The following RRAGB variants were observed in gnomAD, a reference collection of about 807,000 sequenced individuals.
RRAGB encodes Ras related GTP binding B.
Under a neutral mutation model 29.3 loss-of-function variants are expected in RRAGB, and 6 were observed. The observed-to-expected ratio is 0.21, with a 90% confidence interval of 0.11 to 0.40. The LOEUF (loss-of-function observed/expected upper bound fraction) is 0.40, where lower values mean the gene tolerates loss of function less well. RRAGB is among the 10% of genes least tolerant of loss of function. The probability of loss-of-function intolerance (pLI) is 1.00; values close to 1 mark genes in which losing one functional copy is unlikely to be tolerated. For synonymous variants in RRAGB, 101 were observed against 92.5 expected, an observed-to-expected ratio of 1.09 and a Z score of -0.53; for missense variants, 184 against 272.9, an observed-to-expected ratio of 0.67 and a Z score of 2.29.
intron 3 of RRAGB, among the ~76,000 whole-genome samples, chrX:55,728,910 GT>G (rs2033573555): frequency 9.1e-6 from 1 of 110,298 alleles, no homozygotes; most frequent in African/African-American, 3.3e-5. Flanking sequence ...TTTTATGTTT[GT>G]TTTTTGTTAC....
At chrX:55,744,675 G>T (rs921131977) in intron 5 of RRAGB, among the ~76,000 whole-genome samples, 4 of 112,167 alleles carry the variant, frequency 3.6e-5, no homozygotes, top group Non-Finnish European at 5.6e-5. Context: ...ATAGTTATCT[G>T]TGAACAGCAG....
chrX:55,723,716 C>G (rs997520894), intron 3 of RRAGB, among the ~76,000 whole-genome samples: 1 of 110,408 alleles, frequency 9.1e-6, no homozygotes, highest in African/African-American at 3.3e-5. Context: ...ACCACCACAT[C>G]CAGCTAATTT....
At chrX:55,730,527 T>A (rs2147083569) in intron 4 of RRAGB, among the ~76,000 whole-genome samples, 1 of 112,092 alleles carries the variant, frequency 8.9e-6, no homozygotes, top group African/African-American at 3.2e-5. Context: ...TTTCTCCTAC[T>A]ACCGGATGCT....
chrX:55,731,499 G>T lies in RRAGB; in HGVS notation c.429G>T (p.Leu143=). The T allele has an allele frequency of 8.3e-7, 1 of 1,209,249 alleles. No individual in the cohort carries two copies. Among genetic ancestry groups the T allele is most frequent in the Non-Finnish European group, 1.1e-6 (1 of 893,740 alleles). The change falls in exon 5 of 10, where the codon CTG becomes CTT. Residue 143 remains leucine, a synonymous_variant. Transcript: ENST00000374941. The part of the protein sequence containing the change: ...EKDMHYYQSC[L]EAILQNSPDA... ...ACATGCACTATTACCAATCATGCCT[G>T]GAGGCCATTCTGCAGAATTCTCCAG...
At chrX:55,727,261 A>T in intron 3 of RRAGB, 2 of 1,132,165 alleles carry the variant, frequency 1.8e-6, no homozygotes, top group Non-Finnish European at 1.2e-6. Flanking sequence ...TTCTTTTGTT[A>T]TTGTCTTTCC....
rs758867749 is a variant in RRAGB, at chrX:55,722,243, G to A, written c.184G>A (p.Ala62Thr). Residue 62 changes from alanine to threonine, a missense_variant, in exon 3 of 10, where the codon GCA becomes ACA. Coordinates refer to ENST00000374941, the MANE Select transcript of RRAGB (RefSeq NM_006064.5). ...GKTSMRSIIF[A>T]NYIARDTRRL... The stretch of plus-strand genomic sequence containing the variant: ...GACCAGCATGAGGTCTATTATCTTT[G>A]CAAATTATATTGCCAGAGACACACG... The A allele has an allele frequency of 2.5e-6, 3 of 1,197,125 alleles. No individual in the cohort carries two copies. Among genetic ancestry groups the A allele is most frequent in the Non-Finnish European group, 3.4e-6 (3 of 884,777 alleles).
chrX:55,736,539 G>A (rs769953498), intron 5 of RRAGB, among the ~76,000 whole-genome samples: 4 of 112,012 alleles, frequency 3.6e-5, no homozygotes, highest in Non-Finnish European at 5.6e-5. Flanking sequence ...TGGGGGTGTT[G>A]TAGAACTCTG....
chrX:55,756,901 G>GC (rs2034670527), intron 8 of RRAGB, among the ~76,000 whole-genome samples: 1 of 111,549 alleles, frequency 9.0e-6, no homozygotes, highest in South Asian at 3.8e-4. Flanking sequence ...GCTGCAATGA[G>GC]CCATGATGGC....
intron 5 of RRAGB, among the ~76,000 whole-genome samples, chrX:55,739,657 C>T (rs1339707779): frequency 9.0e-6 from 1 of 110,820 alleles, no homozygotes; most frequent in African/African-American, 3.3e-5. Context: ...AGGTTGCTGC[C>T]CACCACTTCT....
intron 9 of RRAGB, among the ~76,000 whole-genome samples, chrX:55,757,669 C>A (rs1448187200): frequency 1.8e-5 from 2 of 111,520 alleles, no homozygotes; most frequent in Non-Finnish European, 3.8e-5. Context: ...GTCACTAAAT[C>A]CAAGAATTTT....
intron 3 of RRAGB, among the ~76,000 whole-genome samples, chrX:55,726,435 A>C (rs1407306387): frequency 9.0e-6 from 1 of 111,266 alleles, no homozygotes; most frequent in Admixed American, 9.6e-5. Flanking sequence ...TTTTGGAGAG[A>C]GATCACTCTG....
intron 4 of RRAGB, 134 bp from the exon 5 acceptor site, chrX:55,731,230 T>TA (rs1254708893): frequency 3.0e-5 from 15 of 495,660 alleles, no homozygotes; most frequent in Non-Finnish European, 5.0e-5. Context: ...AGGCCAGACT[T>TA]ATTTGTTATG....
rs1256265511 is a variant in RRAGB, at chrX:55,718,053, G to C, written c.-275G>C. 1 of 243,154 alleles carries C rather than the reference G, an allele frequency of 4.1e-6. No individual in the cohort carries two copies. The highest frequency in any genetic ancestry group is 6.2e-5 in the East Asian group (1 of 16,045). The allele number at this position is 243,154 out of a possible 1,213,427, so 20.0% of individuals were successfully genotyped here. On this transcript the variant is annotated 5_prime_UTR_variant, in exon 1 of 10. Coordinates refer to ENST00000374941, the MANE Select transcript of RRAGB (RefSeq NM_006064.5). ...ACCCCTAACCCACCTCTCTTTTCCT[G>C]TCATTCTCCAACTCTTACTTTGTAC...
At chrX:55,755,067 G>A (rs1370314342) in intron 7 of RRAGB, 1 of 751,263 alleles carries the variant, frequency 1.3e-6, no homozygotes, top group African/African-American at 2.3e-5. Flanking sequence ...TTTCTCTTGA[G>A]ACCAAGTTTA....
At chrX:55,719,034 G>A (rs2033163215) in intron 1 of RRAGB, among the ~76,000 whole-genome samples, 1 of 111,945 alleles carries the variant, frequency 8.9e-6, no homozygotes, top group South Asian at 3.7e-4. Flanking sequence ...TTAAGATGAT[G>A]AAAAATTGAA....
rs148620123 is a variant in RRAGB at position 55,737,665 on chromosome X, G to T, written c.516+6079G>T. On this transcript the variant is annotated intron_variant, in intron 5 of 9. Transcript: ENST00000374941. ...CCACAGGGTGCTCCCTTGATGTGGT[G>T]CACTCCCTGTTCCCATAGGTGTGGC... Among the ~76,000 whole-genome samples, 48 of 112,679 alleles carry T rather than the reference G, an allele frequency of 4.3e-4. 1 individual carries two copies. The Admixed American group carries it at 4.5e-3, about 11-fold the overall frequency.
In RRAGB at chrX:55,730,106, T is replaced by A. The variant is rs773263449; in HGVS notation, c.293+746T>A. Among the ~76,000 whole-genome samples the A allele has an allele frequency of 4.4e-5, 5 of 112,637 alleles. No individual in the cohort carries two copies. In the East Asian group the frequency reaches 1.1e-3, roughly 25 times the overall value. On this transcript the variant is annotated intron_variant, in intron 4 of 9. Coordinates refer to ENST00000374941, the MANE Select transcript of RRAGB (RefSeq NM_006064.5). ...TTTGATGATTAAGTAAGATAATTTATACAAAGTTGCATAGCAGAGTGCCTC... is the reference window on the plus strand; with the variant it reads ...TTTGATGATTAAGTAAGATAATTTAAACAAAGTTGCATAGCAGAGTGCCTC...
At chrX:55,722,845 T>G (rs757771455) in intron 3 of RRAGB, among the ~76,000 whole-genome samples, 8 of 111,524 alleles carry the variant, frequency 7.2e-5, no homozygotes, top group African/African-American at 2.6e-4. Flanking sequence ...TATATACTAA[T>G]TGGGCTGCCA....
chrX:55,723,801 G>A (rs1183402263), intron 3 of RRAGB, among the ~76,000 whole-genome samples: 3 of 111,501 alleles, frequency 2.7e-5, no homozygotes, highest in Non-Finnish European at 3.8e-5. Flanking sequence ...CAGGTGATCC[G>A]CCTGCCTCGG....
Sources: allele counts gnomAD v4.1 joint callset (sites outside exome capture counted in the v4.1 genomes callset), GRCh38; gene constraint gnomAD v4.1.1; transcripts MANE v1.5; gene names NCBI Gene and HGNC (gene_info 2026-07-23, HGNC 2026-07-21).